MLLT1: variants seen among roughly 807,000 people sequenced by gnomAD.
MLLT1 encodes protein ENL.
MLLT1 carries 11 observed loss-of-function variants against 55.1 expected under a neutral mutation model. The observed-to-expected ratio is 0.20, with a 90% CI of 0.13 to 0.33. The LOEUF is 0.33. Among genes scored for constraint, MLLT1 ranks in the 10% least tolerant of loss-of-function variants. MLLT1 has a pLI of 1.00. For synonymous variants in MLLT1, 323 were observed against 320.1 expected, an observed-to-expected ratio of 1.01 and a Z score of -0.10; for missense variants, 536 against 760.6, an observed-to-expected ratio of 0.70 and a Z score of 3.47.
intron 6 of MLLT1, among the ~76,000 whole-genome samples, chr19:6,221,903 G>A (rs117339931): frequency 0.029 from 4,461 of 152,342 alleles, 73 homozygotes; most frequent in South Asian, 0.047. Flanking sequence ...AGGAGGCGAG[G>A]AGGGACTCCT....
At chr19:6,264,761 G>A (rs900001221) in intron 2 of MLLT1, among the ~76,000 whole-genome samples, 1 of 151,548 alleles carries the variant, frequency 6.6e-6, no homozygotes, top group Non-Finnish European at 1.5e-5. Flanking sequence ...CAGGCGTGGT[G>A]GTGCGCACCT....
intron 3 of MLLT1, chr19:6,259,794 T>C (rs1600210761): frequency 2.2e-5 from 1 of 46,210 alleles, no homozygotes; most frequent in Non-Finnish European, 3.6e-5. Flanking sequence ...CCAAGAAACA[T>C]GACTTAAAAA....
At chr19:6,264,755 C>T (rs1184308037) in intron 2 of MLLT1, among the ~76,000 whole-genome samples, 3 of 151,424 alleles carry the variant, frequency 2.0e-5, no homozygotes, top group South Asian at 2.1e-4. Context: ...ATTAGCCAGG[C>T]GTGGTGGTGC....
At chr19:6,275,357 C>T (rs1030843868) in intron 1 of MLLT1, among the ~76,000 whole-genome samples, 2 of 152,202 alleles carry the variant, frequency 1.3e-5, no homozygotes, top group African/African-American at 4.8e-5. Context: ...TCCTCCTGGG[C>T]TGAACACGTG....
Position 6,211,516 on chromosome 19 carries a change from C to T in MLLT1, c.*1526G>A. Reference sequence around the variant, plus strand: ...CAAGATGAGGGACCTCAGGGAGGGACAGATGGAGCCCCCCAAGTCTGAACT... The same window carrying T: ...CAAGATGAGGGACCTCAGGGAGGGATAGATGGAGCCCCCCAAGTCTGAACT... On this transcript the variant is annotated 3_prime_UTR_variant, in exon 12 of 12. Coordinates refer to ENST00000252674, the MANE Select transcript of MLLT1 (RefSeq NM_005934.4). This position sits in a 1 kb window ranked among gnomAD's most constrained non-coding sequence, Gnocchi z 4.6. The T allele has an allele frequency of 1.3e-6, 1 of 771,890 alleles. No individual in the cohort carries two copies. 47.8% of individuals were successfully genotyped at this position (771,890 alleles called of 1,614,324 possible).
At chr19:6,260,033 G>A (rs1029859683) in intron 3 of MLLT1, among the ~76,000 whole-genome samples, 6 of 152,160 alleles carry the variant, frequency 3.9e-5, no homozygotes, top group African/African-American at 1.4e-4. Context: ...CTGGCACCAC[G>A]CTTGGGGCCT....
Position 6,227,179 on chromosome 19 carries a change from G to T in MLLT1, c.421-77C>A. ...CACACGGGCCGGGCTGAAGGTGGTG[G>T]GGCTTCCCTCTGCAGGAGGGGAGAA... On this transcript the variant is annotated intron_variant, in intron 4 of 11. Coordinates refer to ENST00000252674, the MANE Select transcript of MLLT1 (RefSeq NM_005934.4). This position sits in a 1 kb window ranked among gnomAD's most constrained non-coding sequence, Gnocchi z 5.1. 6.8e-7 allele frequency: 1 copy of T among 1,470,566 alleles called. No homozygotes were observed. The highest frequency in any genetic ancestry group is 9.1e-7 in the Non-Finnish European group (1 of 1,095,774). The allele number at this position is 1,470,566 out of a possible 1,614,324, so 91.1% of individuals were successfully genotyped here.
In MLLT1 at chr19:6,240,919, C is replaced by T. The variant is rs1405711382; in HGVS notation, c.277-10206G>A. 6.6e-6 allele frequency among the ~76,000 whole-genome samples: 1 copy of T among 152,186 alleles called. No individual in the cohort carries two copies. The highest frequency in any genetic ancestry group is 1.5e-5 in the Non-Finnish European group (1 of 68,030). ...CTCCATGGAAACAGACGTTTTTAGA[C>T]TTAAAGTTTGGCTTCTATTAACTGG... On this transcript the variant is annotated intron_variant, in intron 3 of 11. Transcript: ENST00000252674. The surrounding 1 kb of genome is among the most constrained non-coding windows in gnomAD (Gnocchi z 4.7).
chr19:6,225,210 T>C (rs748331767), intron 5 of MLLT1, among the ~76,000 whole-genome samples: 1 of 152,214 alleles, frequency 6.6e-6, no homozygotes, highest in South Asian at 2.1e-4. Flanking sequence ...GGGTGGTGGC[T>C]GTGAAGTGGG....
At chr19:6,274,186 G>A (rs1402072367) in intron 1 of MLLT1, among the ~76,000 whole-genome samples, 1 of 152,230 alleles carries the variant, frequency 6.6e-6, no homozygotes, top group Non-Finnish European at 1.5e-5. Flanking sequence ...AGCGCTGAGG[G>A]GGGCACTCCC....
rs996458670 is a variant in MLLT1, at chr19:6,256,475, C to T, written c.276+5753G>A. ...CTCTGACAAAAAAAGAAAAAAAAGG[C>T]GGGGCACGGTGGCTCACGCCTGTAA... On this transcript the variant is annotated intron_variant, in intron 3 of 11. Coordinates refer to ENST00000252674, the MANE Select transcript of MLLT1 (RefSeq NM_005934.4). This position sits in a 1 kb window ranked among gnomAD's most constrained non-coding sequence, Gnocchi z 4.1. Among the ~76,000 whole-genome samples, 5 of 151,346 alleles carry T rather than the reference C, an allele frequency of 3.3e-5. No individual in the cohort carries two copies. In the East Asian group the frequency reaches 7.9e-4, roughly 24 times the overall value.
At chr19:6,251,278 T>TG (rs936333543) in intron 3 of MLLT1, among the ~76,000 whole-genome samples, 61 of 152,160 alleles carry the variant, frequency 4.0e-4, no homozygotes, top group Admixed American at 5.2e-4. Flanking sequence ...TTAAAAAGGT[T>TG]GGGGGGATGG....
chr19:6,240,607 C>T lies in MLLT1; in HGVS notation c.277-9894G>A, dbSNP rs919567701. On this transcript the variant is annotated intron_variant, in intron 3 of 11. Coordinates refer to ENST00000252674, the MANE Select transcript of MLLT1 (RefSeq NM_005934.4). The surrounding 1 kb of genome is among the most constrained non-coding windows in gnomAD (Gnocchi z 4.7). ...TACACCGTTGGGAGAAGAAAGCAAA[C>T]CACGAGACTGAGAGCACCACGGAAC... Among the ~76,000 whole-genome samples the T allele has an allele frequency of 1.3e-5, 2 of 152,210 alleles. No individual in the cohort carries two copies. Among genetic ancestry groups the T allele is most frequent in the Non-Finnish European group, 2.9e-5 (2 of 68,044 alleles).
At position 6,251,094 on chromosome 19, in the gene MLLT1, G is replaced by C. The variant is rs531811773; in HGVS notation, c.276+11134C>G. On this transcript the variant is annotated intron_variant, in intron 3 of 11. Coordinates refer to ENST00000252674, the MANE Select transcript of MLLT1 (RefSeq NM_005934.4). ...GTAGCTGCCAGGAACAGTGGCGATG[G>C]GGGGAACGGGAAACAGCTGCTTACT... Among the ~76,000 whole-genome samples the C allele has an allele frequency of 1.8e-4, 27 of 152,212 alleles. No homozygotes were observed. The East Asian group carries it at 3.5e-3, about 20-fold the overall frequency.
In MLLT1 at chr19:6,231,507, C is replaced by T. The variant is rs916196516; in HGVS notation, c.277-794G>A. Among the ~76,000 whole-genome samples, 2 of 151,890 alleles carry T rather than the reference C, an allele frequency of 1.3e-5. No homozygotes were observed. Among genetic ancestry groups the T allele is most frequent in the African/African-American group, 4.8e-5 (2 of 41,332 alleles). On this transcript the variant is annotated intron_variant, in intron 3 of 11. Coordinates refer to ENST00000252674, the MANE Select transcript of MLLT1 (RefSeq NM_005934.4). This position sits in a 1 kb window ranked among gnomAD's most constrained non-coding sequence, Gnocchi z 5.1. The stretch of plus-strand genomic sequence containing the variant: ...TGTGTTTCTGTGAACCTTGAAATTT[C>T]GAAGCAAGACATTTTTTTTTTTGAG...
chr19:6,230,947 T>C lies in MLLT1; in HGVS notation c.277-234A>G, dbSNP rs1215604773. Among the ~76,000 whole-genome samples the C allele has an allele frequency of 6.6e-6, 1 of 152,178 alleles. No individual in the cohort carries two copies. Among genetic ancestry groups the C allele is most frequent in the Non-Finnish European group, 1.5e-5 (1 of 68,024 alleles). ...GGCCCCATGGCAGAAAGAAAGCTCATTCATAGCCATGCTCTCGGACTGTTA... is the reference window on the plus strand; with the variant it reads ...GGCCCCATGGCAGAAAGAAAGCTCACTCATAGCCATGCTCTCGGACTGTTA... On this transcript the variant is annotated intron_variant, in intron 3 of 11. Transcript: ENST00000252674. This position sits in a 1 kb window ranked among gnomAD's most constrained non-coding sequence, Gnocchi z 9.0.
Position 6,212,351 on chromosome 19 carries a change from CG to C in MLLT1, c.*690del. Reference sequence around the variant, plus strand: ...AGAGGGCCAGCTGCCGTGCCTGGCTCGGCCTCCAGCCCCACACCACCGCAGA... The same window carrying C: ...AGAGGGCCAGCTGCCGTGCCTGGCTCGCCTCCAGCCCCACACCACCGCAGA... On this transcript the variant is annotated 3_prime_UTR_variant, in exon 12 of 12. Coordinates refer to ENST00000252674, the MANE Select transcript of MLLT1 (RefSeq NM_005934.4). 4 of 966,328 alleles carry C rather than the reference CG, an allele frequency of 4.1e-6. No homozygotes were observed. Among genetic ancestry groups the C allele is most frequent in the Non-Finnish European group, 4.8e-6 (4 of 839,030 alleles). The allele number at this position is 966,328 out of a possible 1,614,324, so 59.9% of individuals were successfully genotyped here.
intron 3 of MLLT1, among the ~76,000 whole-genome samples, chr19:6,250,477 A>T (rs1252669070): frequency 1.3e-5 from 2 of 152,220 alleles, no homozygotes; most frequent in Non-Finnish European, 2.9e-5. Context: ...TGGATACCAA[A>T]GTCTGCAGAG....
intron 3 of MLLT1, among the ~76,000 whole-genome samples, chr19:6,246,902 C>T (rs2091173503): frequency 6.6e-6 from 1 of 152,322 alleles, no homozygotes; most frequent in South Asian, 2.1e-4. Context: ...TTGCAGCGTT[C>T]CTACTTGACA....
Sources: gnomAD v4.1 joint callset for allele counts (sites outside exome capture counted in the v4.1 genomes callset) on GRCh38, gnomAD v4.1.1 for gene constraint, Gnocchi (gnomAD v3.1) non-coding constraint, MANE v1.5 for transcripts, NCBI Gene and HGNC (gene_info 2026-07-23, HGNC 2026-07-21) for gene names.